The following CDH23 variants were observed in gnomAD, a reference collection of about 807,000 sequenced individuals.
The protein encoded by CDH23 is cadherin-23.
Under a neutral mutation model 317.1 loss-of-function variants are expected in CDH23, and 189 were observed. That is an observed-to-expected ratio of 0.60 (90% CI 0.53 to 0.67). The LOEUF is 0.67. CDH23 is among the 30% of genes least tolerant of loss of function. The probability of loss-of-function intolerance (pLI) is 0.00; values close to 1 mark genes in which losing one functional copy is unlikely to be tolerated. For synonymous variants in CDH23, 1,839 were observed against 1,876.8 expected, an observed-to-expected ratio of 0.98 and a Z score of 0.52; for missense variants, 4,401 against 4,592.4, an observed-to-expected ratio of 0.96 and a Z score of 1.20.
chr10:71,508,573 T>C (rs1853773815), intron 3 of CDH23, among the ~76,000 whole-genome samples: 1 of 152,256 alleles, frequency 6.6e-6, no homozygotes, highest in Non-Finnish European at 1.5e-5. Flanking sequence ...AGAACTGTCC[T>C]AAAAGTTCTT....
At chr10:71,483,646 C>G (rs140287072) in intron 3 of CDH23, among the ~76,000 whole-genome samples, 4 of 152,218 alleles carry the variant, frequency 2.6e-5, no homozygotes, top group Non-Finnish European at 4.4e-5. Flanking sequence ...GGGCCTTCGC[C>G]GTCCTAAGGG....
intron 57 of CDH23, 21 bp downstream of exon 57, chr10:71,806,302 C>T (rs1473168012): frequency 2.0e-6 from 3 of 1,499,086 alleles, no homozygotes; most frequent in Admixed American, 2.0e-5. Context: ...CCACCTCCTG[C>T]GCTGGTCACA....
intron 9 of CDH23, among the ~76,000 whole-genome samples, chr10:71,582,679 G>A (rs1023203268): frequency 3.3e-5 from 5 of 152,158 alleles, no homozygotes; most frequent in South Asian, 2.1e-4. Context: ...GAGCTGAGCC[G>A]AGTCAGCACT....
chr10:71,605,793 G>A (rs1044739483), intron 9 of CDH23, among the ~76,000 whole-genome samples: 3 of 152,110 alleles, frequency 2.0e-5, no homozygotes, highest in Non-Finnish European at 2.9e-5. Flanking sequence ...GTTACCTCCA[G>A]TTTTTCTTAC....
chr10:71,479,998 C>T (rs1463258577), intron 3 of CDH23, among the ~76,000 whole-genome samples: 5 of 152,334 alleles, frequency 3.3e-5, no homozygotes, highest in South Asian at 4.1e-4. Context: ...GGTAATCCAG[C>T]GATCCACCTG....
rs1341506405 is a variant in CDH23 at position 71,725,439 on chromosome 10, G to A, written c.3498G>A (p.Leu1166=). 1.9e-6 allele frequency: 3 copies of A among 1,614,046 alleles called. No individual in the cohort carries two copies. Among genetic ancestry groups the A allele is most frequent in the South Asian group, 1.1e-5 (1 of 91,080 alleles). ...TCCTGATGCGAGGGCCCCGGCCCCT[G>A]GACCGGGAGCGGAACTCATCCCACG... ...NGLLMRGPRP[L]DRERNSSHVL... Residue 1166 remains leucine (L), a synonymous_variant, in exon 30 of 70, where the codon CTG becomes CTA. Coordinates refer to ENST00000224721, the MANE Select transcript of CDH23 (RefSeq NM_022124.6).
intron 6 of CDH23, among the ~76,000 whole-genome samples, chr10:71,538,186 T>TC (rs1855804138): frequency 6.6e-6 from 1 of 152,148 alleles, no homozygotes; most frequent in African/African-American, 2.4e-5. Flanking sequence ...GAAGAACAAC[T>TC]ACGAAAGTGA....
intron 6 of CDH23, among the ~76,000 whole-genome samples, chr10:71,533,525 C>CCACA (rs55659529): frequency 0.15 from 19,986 of 130,542 alleles, 1,703 homozygotes; most frequent in East Asian, 0.29. Context: ...TGGCTGGACA[C>CCACA]CACACACACA....
chr10:71,589,389 A>G (rs2132439362), intron 9 of CDH23, among the ~76,000 whole-genome samples: 1 of 152,352 alleles, frequency 6.6e-6, no homozygotes. Flanking sequence ...AAGTGCTGGG[A>G]TTACAGGCGT....
intron 3 of CDH23, among the ~76,000 whole-genome samples, chr10:71,449,842 C>T (rs1342521609): frequency 1.3e-5 from 2 of 152,200 alleles, no homozygotes; most frequent in East Asian, 3.9e-4. Context: ...ACAGCATGGC[C>T]ATCTGAAATC....
rs1847558933 is a variant in CDH23, at chr10:71,397,241, C to T, written c.-83C>T. 9.6e-6 allele frequency: 2 copies of T among 208,036 alleles called. No homozygotes were observed. The highest frequency in any genetic ancestry group is 9.6e-6 in the Non-Finnish European group (1 of 103,812). The allele number at this position is 208,036 out of a possible 1,614,324, so 12.9% of individuals were successfully genotyped here. A position where few individuals can be genotyped will look rare whatever the true frequency, so the allele number is the denominator to read the frequency against. On this transcript the variant is annotated 5_prime_UTR_variant, in exon 1 of 70. Coordinates refer to ENST00000224721, the MANE Select transcript of CDH23 (RefSeq NM_022124.6). This position sits in a 1 kb window ranked among gnomAD's most constrained non-coding sequence, Gnocchi z 4.8. The stretch of plus-strand genomic sequence containing the variant: ...CGGCGGTGGCCAGGGCCAGAGCAGG[C>T]GGCCCGCGGGGGCCGATCCGGCGGA...
At position 71,675,131 on chromosome 10, in the gene CDH23, G is replaced by C. The variant is rs1227049; in HGVS notation, c.1469G>C (p.Gly490Ala). The C allele has an allele frequency of 0.18, 282,483 of 1,613,382 alleles. 27,778 individuals are homozygous for C. Among genetic ancestry groups the C allele is most frequent in the East Asian group, 0.3 (13,534 of 44,876 alleles). Residue 490 changes from glycine (G) to alanine (A), a missense_variant, in exon 15 of 70, where the codon GGC (glycine) becomes GCC (alanine). Physicochemically the swap from Gly to Ala is moderately conservative, Grantham distance 60. Around this residue, in one of 3 missense-constraint regions of CDH23, gnomAD observed 3,068 missense variants for 3,203.3 expected, o/e 0.96. Coordinates refer to ENST00000224721, the MANE Select transcript of CDH23 (RefSeq NM_022124.6). The stretch of plus-strand genomic sequence containing the variant: ...TTGCAGGCAACTGACAATGATGCAG[G>C]CACCTTTGGGGAAGTCAGCTACTTC... ...LTVLATDNDA[G>A]TFGEVSYFFS...
At chr10:71,418,894 G>T (rs1028788974) in intron 1 of CDH23, among the ~76,000 whole-genome samples, 1 of 152,146 alleles carries the variant, frequency 6.6e-6, no homozygotes, top group African/African-American at 2.4e-5. Flanking sequence ...TGTGAAATGG[G>T]TATAGTAATA....
chr10:71,417,027 C>CTT (rs59400313), intron 1 of CDH23, among the ~76,000 whole-genome samples: 18 of 146,164 alleles, frequency 1.2e-4, no homozygotes, highest in African/African-American at 3.3e-4. Flanking sequence ...CTTTGGTTTT[C>CTT]TTTTTTTTTC....
intron 3 of CDH23, among the ~76,000 whole-genome samples, chr10:71,483,437 C>T (rs1852176900): frequency 6.6e-6 from 1 of 152,196 alleles, no homozygotes; most frequent in African/African-American, 2.4e-5. Flanking sequence ...TGGTGATTCC[C>T]AGCTGGGTCT....
rs1841932804 is a variant in CDH23, at chr10:71,811,681, C to T, written c.9279-32C>T. ...CAGGGCCTGAGACGTCAGCTTGGCC[C>T]CCCTCACCAGCCCCTCTCTGCTTCT... is the stretch of plus-strand genomic sequence containing the variant. On this transcript the variant is annotated intron_variant, in intron 64 of 69. Transcript: ENST00000224721. 3.1e-6 allele frequency: 5 copies of T among 1,613,142 alleles called. No individual in the cohort carries two copies. In the East Asian group the frequency reaches 1.1e-4, roughly 36 times the overall value.
At chr10:71,432,433 G>A (rs1849432371) in intron 1 of CDH23, among the ~76,000 whole-genome samples, 1 of 151,412 alleles carries the variant, frequency 6.6e-6, no homozygotes, top group African/African-American at 2.4e-5. Flanking sequence ...GGGTGAGTGT[G>A]TGTTTGAGAG....
intron 53 of CDH23, among the ~76,000 whole-genome samples, chr10:71,802,459 G>A (rs1324449342): frequency 2.6e-5 from 4 of 152,152 alleles, no homozygotes; most frequent in East Asian, 1.9e-4. Flanking sequence ...CCAAGTCTCC[G>A]GCCAGACACA....
In CDH23 at chr10:71,524,348, A is replaced by G. The variant is rs555751173; in HGVS notation, c.429+13136A>G. On this transcript the variant is annotated intron_variant, in intron 6 of 69. Transcript: ENST00000224721. ...TGTAGCCCATATCCTTTAAGAGAGG[A>G]ATTCCATGAACCAGCCCTTGGTGTG... 4.6e-5 allele frequency among the ~76,000 whole-genome samples: 7 copies of G among 152,202 alleles called. No homozygotes were observed. In the South Asian group the frequency reaches 1.5e-3, roughly 32 times the overall value.
Sources: allele counts gnomAD v4.1 joint callset (sites outside exome capture counted in the v4.1 genomes callset), GRCh38; gene constraint gnomAD v4.1.1; regional missense constraint gnomAD v4.1.1; non-coding constraint Gnocchi (gnomAD v3.1); transcripts MANE v1.5; gene names NCBI Gene and HGNC (gene_info 2026-07-23, HGNC 2026-07-21).